GYS2: variants seen among roughly 807,000 people sequenced by gnomAD.
GYS2 encodes the protein glycogen [starch] synthase, liver.
GYS2 carries 80 observed loss-of-function variants against 85.6 expected under a neutral mutation model. The ratio of observed to expected loss-of-function variants is 0.93; its 90% CI spans 0.78 to 1.13. GYS2 has a LOEUF of 1.13. Among genes scored for constraint, GYS2 ranks in the 50% most tolerant of loss-of-function variants. GYS2 has a pLI of 0.00. For missense variants in GYS2, 881 were observed against 854.9 expected (o/e 1.03, Z -0.38); for synonymous variants, 328 against 300.7 (o/e 1.09, Z -0.94).
intron 11 of GYS2, among the ~76,000 whole-genome samples, chr12:21,548,831 G>A (rs1333873823): frequency 1.3e-5 from 2 of 151,754 alleles, no homozygotes; most frequent in Admixed American, 6.6e-5. Context: ...TTTTTTTGGT[G>A]GGGGGCACGT....
Position 21,559,677 on chromosome 12 carries a change from TC to T in GYS2, c.1202del (p.Gly401GlufsTer9). The part of the protein sequence containing the change: ...DVAHSVKEKF[G>X]KKLYDALLRG... ...TTAATAATGCATCATAGAGTTTTTT[TC>T]CAAACTTTTCCTTCACAGAATGTGC... On this transcript the variant is annotated frameshift_variant, in exon 9 of 16. Coordinates refer to ENST00000261195, the MANE Select transcript of GYS2 (RefSeq NM_021957.4). LOFTEE classifies it high-confidence loss of function. The T allele has an allele frequency of 6.3e-7, 1 of 1,593,142 alleles. No individual in the cohort carries two copies. Among genetic ancestry groups the T allele is most frequent in the Non-Finnish European group, 8.6e-7 (1 of 1,160,950 alleles).
At chr12:21,563,442 A>T in intron 5 of GYS2, 97 bp from the exon 6 acceptor site, 2 of 727,338 alleles carry the variant, frequency 2.7e-6, no homozygotes, top group Non-Finnish European at 2.5e-6. Flanking sequence ...TTAGATGTTT[A>T]TTGACATTCT....
intron 4 of GYS2, among the ~76,000 whole-genome samples, 157 bp from the exon 5 acceptor site, chr12:21,569,166 C>T (rs1003239166): frequency 1.3e-5 from 2 of 152,170 alleles, no homozygotes; most frequent in Non-Finnish European, 2.9e-5. Context: ...CCCATTACTA[C>T]AATATACATA....
intron 1 of GYS2, among the ~76,000 whole-genome samples, chr12:21,581,832 C>T (rs1026183055): frequency 5.9e-5 from 9 of 152,130 alleles, no homozygotes; most frequent in Non-Finnish European, 1.2e-4. Flanking sequence ...ACTTACTTAA[C>T]AGACAGAAGG....
In GYS2 at chr12:21,563,225, T is replaced by A. The variant is rs1944277035; in HGVS notation, c.941+3A>T. 1 of 1,527,056 alleles carries A rather than the reference T, an allele frequency of 6.5e-7. No individual in the cohort carries two copies. The highest frequency in any genetic ancestry group is 9.1e-7 in the Non-Finnish European group (1 of 1,100,754). The allele number at this position is 1,527,056 out of a possible 1,614,324, so 94.6% of individuals were successfully genotyped here. On this transcript the variant is annotated splice_donor_region_variant and intron_variant, in intron 6 of 15. Transcript: ENST00000261195. ...TTTTTCTTTTTAATAAAGAAAATCA[T>A]ACCCATAGAAATGACCTCGAACAAA... is the stretch of plus-strand genomic sequence containing the variant.
At chr12:21,597,086 C>G (rs530728544) in intron 1 of GYS2, among the ~76,000 whole-genome samples, 1 of 152,152 alleles carries the variant, frequency 6.6e-6, no homozygotes, top group Admixed American at 6.6e-5. Context: ...AAATATAAAA[C>G]TTAAAACTAT....
chr12:21,577,999 A>G (rs1022064848), intron 2 of GYS2, among the ~76,000 whole-genome samples: 5 of 152,266 alleles, frequency 3.3e-5, no homozygotes, highest in Non-Finnish European at 7.4e-5. Context: ...TTATGGACTT[A>G]AAAGACTTTC....
chr12:21,563,815 C>T (rs916575723), intron 5 of GYS2, among the ~76,000 whole-genome samples: 1 of 152,174 alleles, frequency 6.6e-6, no homozygotes, highest in Non-Finnish European at 1.5e-5. Context: ...TAAGTCGAAG[C>T]AGAATCCATG....
downstream of GYS2, among the ~76,000 whole-genome samples, chr12:21,533,212 C>T (rs140526587): frequency 3.2e-3 from 488 of 152,270 alleles, 2 homozygotes; most frequent in African/African-American, 0.011. Context: ...GGCTATCTGG[C>T]CTCCATCCTG....
chr12:21,556,695 CTTG>C (rs1447107054), intron 11 of GYS2, among the ~76,000 whole-genome samples: 12 of 151,212 alleles, frequency 7.9e-5, no homozygotes, highest in Non-Finnish European at 1.5e-4. Flanking sequence ...GTGCGAAAGA[CTTG>C]TTTTGATTTT....
chr12:21,563,569 C>G (rs1944281839), intron 5 of GYS2, among the ~76,000 whole-genome samples: 1 of 151,910 alleles, frequency 6.6e-6, no homozygotes, highest in African/African-American at 2.4e-5. Flanking sequence ...AATGCCTGAC[C>G]AAAATAACAA....
In GYS2 at chr12:21,551,011, T is replaced by TAAAA. The variant is rs1565595138; in HGVS notation, c.1423-4542_1423-4541insTTTT. ...GCACTCTACACTTTTCTTTTTTTTT[T>TAAAA]AATTTTTTTTTATTATACTTTAAGT... On this transcript the variant is annotated intron_variant, in intron 11 of 15. Coordinates refer to ENST00000261195, the MANE Select transcript of GYS2 (RefSeq NM_021957.4). Among the ~76,000 whole-genome samples the TAAAA allele has an allele frequency of 1.1e-3, 24 of 22,288 alleles. No individual in the cohort carries two copies. The East Asian group carries it at 0.086, about 80-fold the overall frequency. The allele number at this position is 22,288 out of a possible 152,430, so 14.6% of individuals were successfully genotyped here. A position where few individuals can be genotyped will look rare whatever the true frequency, so the allele number is the denominator to read the frequency against.
intron 11 of GYS2, among the ~76,000 whole-genome samples, chr12:21,554,140 C>T (rs539592226): frequency 1.4e-5 from 2 of 144,830 alleles, no homozygotes; most frequent in Admixed American, 1.4e-4. Flanking sequence ...AGGAAGGAAG[C>T]GAGGAAGGAA....
intron 1 of GYS2, among the ~76,000 whole-genome samples, chr12:21,586,896 C>A (rs1358324112): frequency 6.6e-6 from 1 of 151,980 alleles, no homozygotes; most frequent in African/African-American, 2.4e-5. Context: ...GCACTGTTCC[C>A]AATAGCAAAG....
At chr12:21,558,994 G>A (rs2136873887) in intron 10 of GYS2, 97 bp downstream of exon 10, 1 of 726,200 alleles carries the variant, frequency 1.4e-6, no homozygotes, top group South Asian at 1.7e-5. Flanking sequence ...CCTCAGGTCT[G>A]AAAATGTTCC....
At chr12:21,586,219 T>C (rs1383835367) in intron 1 of GYS2, among the ~76,000 whole-genome samples, 1 of 151,956 alleles carries the variant, frequency 6.6e-6, no homozygotes, top group African/African-American at 2.4e-5. Context: ...CATGTGAAAA[T>C]CCTGGACTGG....
At chr12:21,567,486 T>G (rs992035724) in intron 5 of GYS2, among the ~76,000 whole-genome samples, 3 of 151,780 alleles carry the variant, frequency 2.0e-5, no homozygotes, top group African/African-American at 7.3e-5. Context: ...CTATAGGTTC[T>G]TAATGCTGCC....
At chr12:21,566,332 A>G (rs1944320193) in intron 5 of GYS2, among the ~76,000 whole-genome samples, 1 of 152,050 alleles carries the variant, frequency 6.6e-6, no homozygotes, top group African/African-American at 2.4e-5. Context: ...ATACAAAGTC[A>G]TAGTTACACT....
chr12:21,535,717 G>C (rs1943904156), downstream of GYS2, among the ~76,000 whole-genome samples: 1 of 152,156 alleles, frequency 6.6e-6, no homozygotes, highest in Non-Finnish European at 1.5e-5. Context: ...CCAGCACTGA[G>C]AAGACCAAAA....
Sources: gnomAD v4.1 joint callset for allele counts (sites outside exome capture counted in the v4.1 genomes callset) on GRCh38, gnomAD v4.1.1 for gene constraint, MANE v1.5 for transcripts, NCBI Gene and HGNC (gene_info 2026-07-23, HGNC 2026-07-21) for gene names.